ZNF684: variants seen among roughly 807,000 people sequenced by gnomAD.
ZNF684 encodes zinc finger protein 684, also known as hypothetical protein MGC27466.
In ZNF684, 13 loss-of-function variants were observed where a neutral mutation model predicts 12.8. The ratio of observed to expected loss-of-function variants is 1.02; its 90% CI spans 0.66 to 1.62. ZNF684 has a LOEUF of 1.62. Ranked by LOEUF, ZNF684 falls within the 40% of genes most tolerant of loss-of-function variation. The pLI is 0.00. For synonymous variants in ZNF684, 118 were observed against 151.8 expected, an observed-to-expected ratio of 0.78 and a Z score of 1.64; for missense variants, 384 against 446.9, an observed-to-expected ratio of 0.86 and a Z score of 1.27.
intron 2 of ZNF684, 31 bp from the exon 3 acceptor site, chr1:40,540,555 C>T (rs902489853): frequency 6.4e-7 from 1 of 1,561,000 alleles, no homozygotes; most frequent in Non-Finnish European, 8.7e-7. Context: ...GTGATACACA[C>T]TTTAGTTTGA....
chr1:40,540,841 G>A (rs1223737453), intron 3 of ZNF684, 129 bp downstream of exon 3: 4 of 965,268 alleles, frequency 4.1e-6, no homozygotes, highest in African/African-American at 1.7e-5. Context: ...TGGGAGGCAG[G>A]AGAATTGCTT....
At chr1:40,535,156 T>C (rs1645977487) in intron 2 of ZNF684, among the ~76,000 whole-genome samples, 1 of 152,186 alleles carries the variant, frequency 6.6e-6, no homozygotes, top group African/African-American at 2.4e-5. Flanking sequence ...TTCCCCCATA[T>C]TTTCCTTGTC....
chr1:40,547,595 C>G lies in ZNF684; in HGVS notation c.*135C>G, dbSNP rs1421684663. 6.8e-6 allele frequency: 5 copies of G among 734,200 alleles called. No homozygotes were observed. The highest frequency in any genetic ancestry group is 1.0e-5 in the Non-Finnish European group (5 of 483,500). The allele number at this position is 734,200 out of a possible 1,614,324, so 45.5% of individuals were successfully genotyped here. ...GATTCCCATAAAAAACAACCAATGC[C>G]AATCATGTTCTGGAAGTGATAATAA... On this transcript the variant is annotated 3_prime_UTR_variant, in exon 5 of 5. Coordinates refer to ENST00000372699, the MANE Select transcript of ZNF684 (RefSeq NM_152373.4).
intron 2 of ZNF684, among the ~76,000 whole-genome samples, chr1:40,538,854 G>A (rs1283338636): frequency 3.5e-5 from 5 of 144,202 alleles, no homozygotes; most frequent in South Asian, 2.3e-4. Flanking sequence ...ACAAACACTC[G>A]GAGGAACTGC....
rs1645966115 is a variant in ZNF684 at position 40,533,082 on chromosome 1, T to A, written c.-24-61T>A. On this transcript the variant is annotated intron_variant, in intron 1 of 4. Transcript: ENST00000372699. Reference sequence around the variant, plus strand: ...ATGGTCTGATAGAGCAGGGTTCTACTTTGCATGCAGTCCTGGTATCTCAGG... The same window carrying A: ...ATGGTCTGATAGAGCAGGGTTCTACATTGCATGCAGTCCTGGTATCTCAGG... The A allele has an allele frequency of 3.5e-6, 5 of 1,434,680 alleles. No homozygotes were observed. In the East Asian group the frequency reaches 9.1e-5, roughly 26 times the overall value. 88.9% of individuals were successfully genotyped at this position (1,434,680 alleles called of 1,614,324 possible). A position where few individuals can be genotyped will look rare whatever the true frequency, so the allele number is the denominator to read the frequency against.
chr1:40,546,211 A>C (rs1393000465), intron 4 of ZNF684, among the ~76,000 whole-genome samples: 1 of 152,136 alleles, frequency 6.6e-6, no homozygotes, highest in Non-Finnish European at 1.5e-5. Context: ...GTGAGCCGCC[A>C]TGCCTGGCCT....
At chr1:40,545,000 A>G (rs1032736070) in intron 4 of ZNF684, 1 of 152,218 alleles carries the variant, frequency 6.6e-6, no homozygotes, top group African/African-American at 2.4e-5. Flanking sequence ...GACTAGTGAA[A>G]TGCATGCTTC....
intron 2 of ZNF684, 66 bp downstream of exon 2, chr1:40,533,247 T>C: frequency 6.7e-7 from 1 of 1,492,440 alleles, no homozygotes; most frequent in Non-Finnish European, 9.3e-7. Flanking sequence ...AAAAAGGAAA[T>C]GTATGGTCAG....
intron 4 of ZNF684, chr1:40,544,569 C>G (rs1414815001): frequency 4.3e-6 from 1 of 232,044 alleles, no homozygotes; most frequent in Admixed American, 5.5e-5. Context: ...CCAGGATGGT[C>G]TTGATCTCTT....
chr1:40,546,532 C>T, intron 4 of ZNF684, 30 bp from the exon 5 acceptor site: 1 of 1,498,744 alleles, frequency 6.7e-7, no homozygotes. Context: ...GAAAAAGTAA[C>T]TAGGAATGTT....
intron 3 of ZNF684, among the ~76,000 whole-genome samples, chr1:40,541,032 A>G (rs1406260717): frequency 8.4e-6 from 1 of 119,384 alleles, no homozygotes; most frequent in East Asian, 2.0e-4. Context: ...CCCTATCTCA[A>G]AAAAAAAAAA....
intron 4 of ZNF684, chr1:40,544,938 A>G (rs1646035824): frequency 6.6e-6 from 1 of 152,270 alleles, no homozygotes; most frequent in African/African-American, 2.4e-5. Flanking sequence ...AACATGAGCA[A>G]AAGATTGAAT....
chr1:40,540,525 A>T, intron 2 of ZNF684, 61 bp from the exon 3 acceptor site: 10 of 1,494,444 alleles, frequency 6.7e-6, no homozygotes, highest in Non-Finnish European at 9.0e-6. Flanking sequence ...AGCTGCCTTG[A>T]TTCTCTTGCA....
intron 2 of ZNF684, among the ~76,000 whole-genome samples, chr1:40,539,252 A>T (rs945549415): frequency 2.6e-5 from 4 of 152,068 alleles, no homozygotes; most frequent in Admixed American, 6.5e-5. Flanking sequence ...GATGGTCTCG[A>T]TCTCCTGACT....
chr1:40,537,070 A>T (rs1205487547), intron 2 of ZNF684, among the ~76,000 whole-genome samples: 3 of 152,120 alleles, frequency 2.0e-5, no homozygotes, highest in African/African-American at 7.2e-5. Flanking sequence ...CTAATTCTAG[A>T]TCCTTGAGGA....
intron 1 of ZNF684, among the ~76,000 whole-genome samples, chr1:40,532,317 A>G (rs1255818857): frequency 6.6e-6 from 1 of 152,106 alleles, no homozygotes; most frequent in Non-Finnish European, 1.5e-5. Context: ...TAGTAAGTGG[A>G]AGAACTGAGA....
At position 40,546,869 on chromosome 1, in the gene ZNF684, A is replaced by G; in HGVS notation, c.546A>G (p.Thr182=). 6.2e-7 allele frequency: 1 copy of G among 1,613,278 alleles called. No individual in the cohort carries two copies. Reference sequence around the variant, plus strand: ...TCATTAGACATGAAAAAAATCATACAAGGAAAAAACCTTTTGAATGCAATG... The same window carrying G: ...TCATTAGACATGAAAAAAATCATACGAGGAAAAAACCTTTTGAATGCAATG... ...FHFIRHEKNH[T]RKKPFECNDC... Residue 182 remains threonine (T), a synonymous_variant, in exon 5 of 5, where the codon ACA becomes ACG. Coordinates refer to ENST00000372699, the MANE Select transcript of ZNF684 (RefSeq NM_152373.4).
intron 4 of ZNF684, among the ~76,000 whole-genome samples, chr1:40,545,984 G>A (rs1225168963): frequency 7.2e-6 from 1 of 138,142 alleles, no homozygotes; most frequent in Non-Finnish European, 1.5e-5. Flanking sequence ...GTACAATGGC[G>A]TGATCTCGGC....
intron 4 of ZNF684, 57 bp from the exon 5 acceptor site, chr1:40,546,505 C>T (rs1014989614): frequency 6.8e-7 from 1 of 1,462,716 alleles, no homozygotes; most frequent in Non-Finnish European, 9.1e-7. Context: ...ACGTTTTTCT[C>T]TATAGCATGT....
Sources: allele counts gnomAD v4.1 joint callset (sites outside exome capture counted in the v4.1 genomes callset), GRCh38; gene constraint gnomAD v4.1.1; transcripts MANE v1.5; gene names NCBI Gene and HGNC (gene_info 2026-07-23, HGNC 2026-07-21).